Variants in ZNF266 observed in about 807,000 individuals in gnomAD.
ZNF266 encodes zinc finger protein 266, also known as zinc finger protein 1.
ZNF266 carries 16 observed loss-of-function variants against 16.4 expected under a neutral mutation model. That is an observed-to-expected ratio of 0.98 (90% CI 0.66 to 1.48). The LOEUF is 1.48. ZNF266 is among the 40% of genes most tolerant of loss of function. The pLI is 0.00. For missense variants in ZNF266, 738 were observed against 689.1 expected, an observed-to-expected ratio of 1.07 and a Z score of -0.79; for synonymous variants, 262 against 237.9, an observed-to-expected ratio of 1.10 and a Z score of -0.93.
chr19:9,415,185 C>T (rs1322670090), intron 10 of ZNF266, among the ~76,000 whole-genome samples: 1 of 152,178 alleles, frequency 6.6e-6, no homozygotes, highest in East Asian at 1.9e-4. Context: ...CTCCCAGCTA[C>T]TCAGCAGGGT....
At position 9,412,705 on chromosome 19, in the gene ZNF266, C is replaced by G. The variant is rs1364227851; in HGVS notation, c.*570G>C. On this transcript the variant is annotated 3_prime_UTR_variant, in exon 11 of 11. Transcript: ENST00000592904. ...GGAGGCCATAATGAAAGCATCTGTT[C>G]CAGGTCTCTGTCCTTGGCTTGTAGA... is the stretch of plus-strand genomic sequence containing the variant. The G allele has an allele frequency of 6.5e-6, 1 of 152,680 alleles. No individual in the cohort carries two copies. The highest frequency in any genetic ancestry group is 1.5e-5 in the Non-Finnish European group (1 of 68,428). The allele number at this position is 152,680 out of a possible 1,614,324, so 9.5% of individuals were successfully genotyped here.
intron 5 of ZNF266, among the ~76,000 whole-genome samples, chr19:9,423,019 G>C (rs1429168229): frequency 1.3e-5 from 2 of 152,174 alleles, no homozygotes; most frequent in Non-Finnish European, 2.9e-5. Flanking sequence ...AAATAGAGCA[G>C]ACAAAATCAC....
chr19:9,426,343 A>G (rs1212713498), intron 5 of ZNF266, among the ~76,000 whole-genome samples: 3 of 152,132 alleles, frequency 2.0e-5, no homozygotes, highest in African/African-American at 7.2e-5. Context: ...GAAGAAAAAA[A>G]TAGAGGGAAA....
intron 5 of ZNF266, among the ~76,000 whole-genome samples, chr19:9,428,348 G>A (rs2071077710): frequency 6.6e-6 from 1 of 152,228 alleles, no homozygotes; most frequent in Non-Finnish European, 1.5e-5. Context: ...GAAGGCAGTG[G>A]CTTCCCCTGT....
chr19:9,434,679 A>G (rs965804068), intron 3 of ZNF266, 119 bp downstream of exon 3: 1 of 152,182 alleles, frequency 6.6e-6, no homozygotes, highest in African/African-American at 2.4e-5. Flanking sequence ...CATATTAACA[A>G]CATTTTAAAT....
intron 9 of ZNF266, among the ~76,000 whole-genome samples, chr19:9,417,385 T>TA (rs1276303630): frequency 1.3e-5 from 2 of 148,660 alleles, no homozygotes; most frequent in South Asian, 4.3e-4. Context: ...AAAATAAAAA[T>TA]AAAAAAAATA....
Position 9,434,229 on chromosome 19 carries a change from G to A in ZNF266, c.-403C>T, listed in dbSNP as rs1243625722. 1.3e-5 allele frequency: 2 copies of A among 152,052 alleles called. No individual in the cohort carries two copies. Among genetic ancestry groups the A allele is most frequent in the Non-Finnish European group, 2.9e-5 (2 of 68,018 alleles). 9.4% of individuals were successfully genotyped at this position (152,052 alleles called of 1,614,324 possible). A position where few individuals can be genotyped will look rare whatever the true frequency, so the allele number is the denominator to read the frequency against. ...CAGCTTGCATATCACTCTTTTCTTA[G>A]CATTGCCTATTCCAAAGAAAAATAG... On this transcript the variant is annotated 5_prime_UTR_variant, in exon 4 of 11. Transcript: ENST00000592904.
intron 5 of ZNF266, among the ~76,000 whole-genome samples, chr19:9,428,733 A>G (rs1167900497): frequency 6.7e-6 from 1 of 150,290 alleles, no homozygotes; most frequent in Non-Finnish European, 1.5e-5. Flanking sequence ...AAAAAAAAAA[A>G]CCCTGGGAAT....
intron 5 of ZNF266, among the ~76,000 whole-genome samples, chr19:9,425,375 G>A (rs1265546859): frequency 6.6e-6 from 1 of 152,088 alleles, no homozygotes; most frequent in Non-Finnish European, 1.5e-5. Flanking sequence ...CATGTGTTTT[G>A]TTGTGCTGCC....
Position 9,422,622 on chromosome 19 carries a change from A to G in ZNF266, c.-129-2404T>C, listed in dbSNP as rs188092345. 1.7e-3 allele frequency among the ~76,000 whole-genome samples: 259 copies of G among 152,264 alleles called. 1 individual carries two copies. Among genetic ancestry groups the G allele is most frequent in the Middle Eastern group, 6.8e-3 (2 of 294 alleles). ...CCAACTTCCTCTGCTCATGAGCACA[A>G]TAGCCAGGGTTGCCTGCATTCCAGA... is the stretch of plus-strand genomic sequence containing the variant. On this transcript the variant is annotated intron_variant, in intron 5 of 10. Transcript: ENST00000592904.
chr19:9,423,807 C>G (rs1047726043), intron 5 of ZNF266, among the ~76,000 whole-genome samples: 40 of 152,076 alleles, frequency 2.6e-4, no homozygotes, highest in African/African-American at 8.7e-4. Context: ...ACCAGCCCGG[C>G]CAACATGGTG....
intron 7 of ZNF266, 84 bp from the exon 8 acceptor site, chr19:9,418,715 AG>A: frequency 1.4e-6 from 1 of 700,726 alleles, no homozygotes; most frequent in Non-Finnish European, 2.5e-6. Flanking sequence ...ACAGAGTCTG[AG>A]GGCTCACATT....
intron 10 of ZNF266, 112 bp downstream of exon 10, chr19:9,415,542 T>G: frequency 2.3e-6 from 2 of 855,558 alleles, no homozygotes; most frequent in East Asian, 3.0e-5. Flanking sequence ...CCTCCCAAAG[T>G]GCTGGGATTA....
rs1055919174 is a variant in ZNF266 at position 9,412,814 on chromosome 19, G to C, written c.*461C>G. 2.5e-5 allele frequency: 4 copies of C among 159,318 alleles called. No individual in the cohort carries two copies. The highest frequency in any genetic ancestry group is 5.5e-5 in the Non-Finnish European group (4 of 72,304). 9.9% of individuals were successfully genotyped at this position (159,318 alleles called of 1,614,324 possible). ...CCTTATAGGGACACCAGTGATGTCA[G>C]ATTAGGGATCGAACCCAACAACCTC... On this transcript the variant is annotated 3_prime_UTR_variant, in exon 11 of 11. Coordinates refer to ENST00000592904, the MANE Select transcript of ZNF266 (RefSeq NM_001370374.1).
chr19:9,432,443 G>A (rs1452267827), intron 5 of ZNF266, among the ~76,000 whole-genome samples: 2 of 151,998 alleles, frequency 1.3e-5, no homozygotes, highest in Non-Finnish European at 2.9e-5. Flanking sequence ...CACTACATGC[G>A]GCTAGTTCAC....
chr19:9,433,554 TCAAG>T (rs1339705735), intron 5 of ZNF266, 110 bp downstream of exon 5: 1 of 152,244 alleles, frequency 6.6e-6, no homozygotes, highest in Non-Finnish European at 1.5e-5. Flanking sequence ...TTTTCAGTGA[TCAAG>T]CACTGATTCT....
intron 9 of ZNF266, among the ~76,000 whole-genome samples, chr19:9,416,188 A>G (rs181481724): frequency 1.3e-5 from 2 of 152,218 alleles, no homozygotes; most frequent in African/African-American, 2.4e-5. Flanking sequence ...TGAAGATTGT[A>G]TATCAAAAAT....
At chr19:9,430,212 A>T (rs1042275190) in intron 5 of ZNF266, among the ~76,000 whole-genome samples, 3 of 152,192 alleles carry the variant, frequency 2.0e-5, no homozygotes, top group African/African-American at 7.2e-5. Context: ...AGATAAATGT[A>T]AAAGACTGAT....
rs2072089833 is a variant in ZNF266, at chr19:9,434,210, G to A, written c.-384C>T. On this transcript the variant is annotated 5_prime_UTR_variant, in exon 4 of 11. The change creates a premature stop within an existing upstream ORF in the 5' untranslated region. Coordinates refer to ENST00000592904, the MANE Select transcript of ZNF266 (RefSeq NM_001370374.1). ...CATACCATATTTTTGGTCTCAGCTT[G>A]CATATCACTCTTTTCTTAGCATTGC... 1 of 152,096 alleles carries A rather than the reference G, an allele frequency of 6.6e-6. No homozygotes were observed. Among genetic ancestry groups the A allele is most frequent in the Non-Finnish European group, 1.5e-5 (1 of 68,022 alleles). The allele number at this position is 152,096 out of a possible 1,614,324, so 9.4% of individuals were successfully genotyped here.
Sources: gnomAD v4.1 joint callset for allele counts (sites outside exome capture counted in the v4.1 genomes callset) on GRCh38, gnomAD v4.1.1 for gene constraint, MANE v1.5 for transcripts, NCBI Gene and HGNC (gene_info 2026-07-23, HGNC 2026-07-21) for gene names.